ANO2: variants seen among roughly 807,000 people sequenced by gnomAD.
ANO2 encodes the protein anoctamin 2.
Under a neutral mutation model 124.2 loss-of-function variants are expected in ANO2, and 101 were observed. The observed-to-expected ratio is 0.81, with a 90% CI of 0.69 to 0.96. The LOEUF (loss-of-function observed/expected upper bound fraction) is 0.96, where lower values mean the gene tolerates loss of function less well. Ranked by LOEUF, ANO2 falls within the 40% of genes least tolerant of loss-of-function variation. The pLI is 0.00. For missense variants in ANO2, 1,293 were observed against 1,274.5 expected (o/e 1.01, Z -0.22); for synonymous variants, 486 against 482.5 (o/e 1.01, Z -0.09).
chr12:5,789,293 C>G (rs1441196637), intron 10 of ANO2, among the ~76,000 whole-genome samples: 1 of 152,234 alleles, frequency 6.6e-6, no homozygotes, highest in Non-Finnish European at 1.5e-5. Context: ...GGCAGAATGT[C>G]AGCCTAAGGA....
intron 4 of ANO2, among the ~76,000 whole-genome samples, chr12:5,845,545 C>T (rs368229069): frequency 1.1e-4 from 15 of 132,234 alleles, no homozygotes; most frequent in African/African-American, 1.7e-4. Flanking sequence ...CCAGCCTGGG[C>T]GACAGAGTAA....
chr12:5,850,102 C>A (rs902193248), intron 4 of ANO2, among the ~76,000 whole-genome samples: 3 of 152,168 alleles, frequency 2.0e-5, no homozygotes, highest in Non-Finnish European at 4.4e-5. Context: ...CCACTACAAG[C>A]CATTGCCTTC....
In ANO2 at chr12:5,612,958, C is replaced by T. The variant is rs1944619147; in HGVS notation, c.1929G>A (p.Arg643=). The change falls in exon 18 of 25, where the codon AGG becomes AGA. Residue 643 remains arginine, a splice_region_variant and synonymous_variant. Coordinates refer to ENST00000682330, the MANE Select transcript of ANO2 (RefSeq NM_001364791.2). ...PIFYVAFFKG[R]FVGRPGSYVY... ...CGTAGCTTCCAGGCCTGCCCACAAA[C>T]CTGAAATCAAACAGTGTGGGAAGAG... 3 of 1,613,900 alleles carry T rather than the reference C, an allele frequency of 1.9e-6. No individual in the cohort carries two copies. The highest frequency in any genetic ancestry group is 2.5e-6 in the Non-Finnish European group (3 of 1,179,850).
At chr12:5,701,472 G>C (rs1333170445) in intron 14 of ANO2, among the ~76,000 whole-genome samples, 1 of 152,014 alleles carries the variant, frequency 6.6e-6, no homozygotes, top group East Asian at 1.9e-4. Context: ...TTCCTTGAAA[G>C]GTGTCCAGAC....
intron 4 of ANO2, among the ~76,000 whole-genome samples, chr12:5,834,544 T>C (rs528127179): frequency 1.6e-4 from 25 of 152,334 alleles, no homozygotes; most frequent in African/African-American, 6.0e-4. Context: ...AGAAGGGTAA[T>C]CTTCTTCCAT....
At chr12:5,943,423 T>C (rs138448010) in intron 1 of ANO2, among the ~76,000 whole-genome samples, 62 of 152,140 alleles carry the variant, frequency 4.1e-4, no homozygotes, top group African/African-American at 1.4e-3. Context: ...TAACTAAATA[T>C]CATATGTTCT....
chr12:5,804,889 C>A (rs1953144123), intron 9 of ANO2, among the ~76,000 whole-genome samples: 1 of 151,954 alleles, frequency 6.6e-6, no homozygotes, highest in African/African-American at 2.4e-5. Flanking sequence ...CTTACACAGG[C>A]AATGGATGGT....
chr12:5,660,283 A>C (rs1171799910), intron 14 of ANO2, among the ~76,000 whole-genome samples: 1 of 151,624 alleles, frequency 6.6e-6, no homozygotes, highest in Non-Finnish European at 1.5e-5. Context: ...CCAAATGACT[A>C]TGAACTTTGA....
intron 3 of ANO2, among the ~76,000 whole-genome samples, chr12:5,884,479 T>C (rs994146479): frequency 1.3e-5 from 2 of 152,234 alleles, no homozygotes; most frequent in African/African-American, 4.8e-5. Flanking sequence ...CAAGGTGGCC[T>C]GAAGGCAGGA....
intron 7 of ANO2, among the ~76,000 whole-genome samples, chr12:5,808,308 T>A (rs1169112799): frequency 6.6e-6 from 1 of 152,220 alleles, no homozygotes; most frequent in Non-Finnish European, 1.5e-5. Context: ...CCAACTCCAT[T>A]ATACTCACAA....
chr12:5,731,796 T>C (rs1479012847), intron 14 of ANO2, among the ~76,000 whole-genome samples: 1 of 152,162 alleles, frequency 6.6e-6, no homozygotes, highest in African/African-American at 2.4e-5. Flanking sequence ...ATGGTCACCA[T>C]CATGTTTCCA....
chr12:5,818,799 C>T (rs1205994621), intron 7 of ANO2, among the ~76,000 whole-genome samples: 1 of 152,076 alleles, frequency 6.6e-6, no homozygotes, highest in Non-Finnish European at 1.5e-5. Context: ...AGATTAGTGA[C>T]TCTGTACATA....
chr12:5,875,751 T>A (rs1458827209), intron 3 of ANO2, among the ~76,000 whole-genome samples: 2 of 151,956 alleles, frequency 1.3e-5, no homozygotes, highest in African/African-American at 4.8e-5. Flanking sequence ...GGCTATGAAT[T>A]GTTCAAAATC....
At chr12:5,786,884 C>T (rs1952555915) in intron 10 of ANO2, among the ~76,000 whole-genome samples, 1 of 152,182 alleles carries the variant, frequency 6.6e-6, no homozygotes, top group African/African-American at 2.4e-5. Context: ...CATGACAATT[C>T]AATTAGATCA....
intron 1 of ANO2, among the ~76,000 whole-genome samples, chr12:5,944,566 C>A (rs563441061): frequency 3.3e-5 from 5 of 152,182 alleles, no homozygotes; most frequent in Non-Finnish European, 4.4e-5. Context: ...AATAAAATAA[C>A]GTCTTTCTTC....
intron 13 of ANO2, among the ~76,000 whole-genome samples, chr12:5,738,151 G>A (rs1442724585): frequency 6.6e-6 from 1 of 152,188 alleles, no homozygotes; most frequent in Non-Finnish European, 1.5e-5. Context: ...TGCCCTGCGG[G>A]TCCTGCCATT....
intron 14 of ANO2, among the ~76,000 whole-genome samples, chr12:5,729,688 C>CAA (rs57244014): frequency 9.4e-4 from 137 of 145,422 alleles, no homozygotes; most frequent in African/African-American, 2.1e-3. Context: ...AAGCATACGG[C>CAA]AAAAAAAAAA....
chr12:5,939,691 G>A (rs1435998108), intron 1 of ANO2, among the ~76,000 whole-genome samples: 6 of 152,200 alleles, frequency 3.9e-5, no homozygotes, highest in Admixed American at 2.6e-4. Flanking sequence ...CCTGTTTTCC[G>A]AAAGGTAGAA....
At chr12:5,686,151 C>A (rs1948697634) in intron 14 of ANO2, among the ~76,000 whole-genome samples, 1 of 152,116 alleles carries the variant, frequency 6.6e-6, no homozygotes, top group Non-Finnish European at 1.5e-5. Context: ...ACAGTAAAGT[C>A]CCCTTCCCCT....
Sources: gnomAD v4.1 joint callset for allele counts (sites outside exome capture counted in the v4.1 genomes callset) on GRCh38, gnomAD v4.1.1 for gene constraint, MANE v1.5 for transcripts, NCBI Gene and HGNC (gene_info 2026-07-23, HGNC 2026-07-21) for gene names.